The following SIRPG variants were observed in gnomAD, a reference collection of about 807,000 sequenced individuals.
The protein encoded by SIRPG is signal-regulatory protein gamma.
A neutral mutation model predicts 35.7 loss-of-function variants in SIRPG; 38 were observed. The ratio of observed to expected loss-of-function variants is 1.06; its 90% CI spans 0.82 to 1.40. The LOEUF (loss-of-function observed/expected upper bound fraction) is 1.40, where lower values mean the gene tolerates loss of function less well. Ranked by LOEUF, SIRPG falls within the 40% of genes most tolerant of loss-of-function variation. The probability of loss-of-function intolerance (pLI) is 0.00; values close to 1 mark genes in which losing one functional copy is unlikely to be tolerated. For missense variants in SIRPG, 519 were observed against 483.0 expected (o/e 1.07, Z -0.70); for synonymous variants, 215 against 190.4 (o/e 1.13, Z -1.06).
the SIRPG span, among the ~76,000 whole-genome samples, chr20:1,681,477 C>A: frequency 7.2e-5 from 11 of 152,190 alleles, no homozygotes; most frequent in Non-Finnish European, 1.5e-4. Context: ...ATATAATGAT[C>A]ATCCAAAGTA....
intron 1 of SIRPG, among the ~76,000 whole-genome samples, chr20:1,650,004 G>GTA (rs71193923): frequency 0.2 from 20,106 of 99,036 alleles, 2,268 homozygotes; most frequent in African/African-American, 0.25. Context: ...TTTGAAGTGT[G>GTA]TATATATATA....
At chr20:1,657,616 G>A (rs1040888422) in intron 1 of SIRPG, 26 bp downstream of exon 1, 44 of 1,611,766 alleles carry the variant, frequency 2.7e-5, no homozygotes, top group Non-Finnish European at 3.7e-5. Context: ...CAGGGAGAAA[G>A]GGTTCTAGCC....
the SIRPG span, among the ~76,000 whole-genome samples, chr20:1,673,547 G>A: frequency 8.6e-5 from 13 of 152,008 alleles, no homozygotes; most frequent in Non-Finnish European, 1.9e-4. Flanking sequence ...TTATCCTTTA[G>A]GCAGCAGAAC....
chr20:1,672,650 T>A, the SIRPG span, among the ~76,000 whole-genome samples: 1 of 152,220 alleles, frequency 6.6e-6, no homozygotes, highest in East Asian at 1.9e-4. Flanking sequence ...TGTATGAGAC[T>A]CTATTCAGCA....
chr20:1,645,241 A>T (rs1467705725), intron 2 of SIRPG, among the ~76,000 whole-genome samples: 1 of 151,924 alleles, frequency 6.6e-6, no homozygotes, highest in African/African-American at 2.4e-5. Flanking sequence ...TTTCTGAAGC[A>T]CCCACCCCCA....
At chr20:1,664,233 G>A in the SIRPG span, among the ~76,000 whole-genome samples, 1 of 152,062 alleles carries the variant, frequency 6.6e-6, no homozygotes, top group Admixed American at 6.5e-5. Flanking sequence ...TCTAACATAG[G>A]GGATCAAATT....
chr20:1,649,991 T>C (rs1471325643), intron 1 of SIRPG, among the ~76,000 whole-genome samples: 6 of 117,206 alleles, frequency 5.1e-5, no homozygotes, highest in Non-Finnish European at 1.8e-5. Flanking sequence ...TCCTGAACTC[T>C]ACTTTGAAGT....
Position 1,635,590 on chromosome 20 carries a change from G to A in SIRPG, c.758C>T (p.Thr253Ile). Residue 253 changes from threonine to isoleucine, a missense_variant, in exon 4 of 6, where the codon ACC becomes ATC. Thr to Ile is a moderately conservative substitution (Grantham distance 89). Transcript: ENST00000303415. ...NLSEAIRVPPTLEVTQQPMRV... is the reference protein window; with the variant it reads ...NLSEAIRVPPILEVTQQPMRV... ...CATGGGCTGTTGAGTAACCTCCAAG[G>A]TGGGTGGAACTGAAACAGCACAGGG... The A allele has an allele frequency of 6.2e-7, 1 of 1,614,108 alleles. No individual in the cohort carries two copies. The highest frequency in any genetic ancestry group is 8.5e-7 in the Non-Finnish European group (1 of 1,179,976).
At chr20:1,634,069 A>G (rs960621262) in intron 4 of SIRPG, among the ~76,000 whole-genome samples, 6 of 152,146 alleles carry the variant, frequency 3.9e-5, no homozygotes, top group African/African-American at 1.4e-4. Context: ...TGAAGCAAAA[A>G]CAGAGATCAT....
chr20:1,662,365 T>G (rs549128945), upstream of SIRPG, among the ~76,000 whole-genome samples: 6 of 152,284 alleles, frequency 3.9e-5, no homozygotes, highest in East Asian at 1.2e-3. Context: ...GGAGCTTGGT[T>G]AGCTCGTCAG....
rs571373231 is a variant in SIRPG, at chr20:1,635,162, T to C, written c.1081+105A>G. ...TGGGGGGATGGAGCTGACATTAAAA[T>C]TTTACTTTGTATTTATAGACTTCTA... is the stretch of plus-strand genomic sequence containing the variant. On this transcript the variant is annotated intron_variant, in intron 4 of 5. Coordinates refer to ENST00000303415, the MANE Select transcript of SIRPG (RefSeq NM_018556.4). 5.4e-5 allele frequency: 51 copies of C among 942,906 alleles called. No individual in the cohort carries two copies. In the African/African-American group the frequency reaches 8.0e-4, roughly 15 times the overall value. The allele number at this position is 942,906 out of a possible 1,614,324, so 58.4% of individuals were successfully genotyped here. A position where few individuals can be genotyped will look rare whatever the true frequency, so the allele number is the denominator to read the frequency against.
At chr20:1,653,390 A>G (rs1019403919) in intron 1 of SIRPG, among the ~76,000 whole-genome samples, 1 of 152,206 alleles carries the variant, frequency 6.6e-6, no homozygotes, top group African/African-American at 2.4e-5. Context: ...TGTCTGCCAC[A>G]TGGTGAACGT....
chr20:1,634,974 C>T (rs997808598), intron 4 of SIRPG, among the ~76,000 whole-genome samples: 3 of 151,378 alleles, frequency 2.0e-5, no homozygotes, highest in Admixed American at 6.6e-5. Context: ...ACCCGGGAGG[C>T]GGAGCTTGCG....
At chr20:1,632,054 T>C (rs13045212) in intron 4 of SIRPG, among the ~76,000 whole-genome samples, 30,446 of 152,036 alleles carry the variant, frequency 0.2, 3,632 homozygotes, top group Admixed American at 0.31. Flanking sequence ...CAGAGGAGGA[T>C]GAATCTCAGC....
chr20:1,669,648 C>T, the SIRPG span, among the ~76,000 whole-genome samples: 1 of 152,186 alleles, frequency 6.6e-6, no homozygotes, highest in Non-Finnish European at 1.5e-5. Flanking sequence ...ACATCTGAGA[C>T]AGAAGGCAAA....
At chr20:1,676,721 C>A in the SIRPG span, 1 of 178,518 alleles carries the variant, frequency 5.6e-6, no homozygotes, top group Non-Finnish European at 1.2e-5. Context: ...GGAAAGTAGC[C>A]TTCTCTTGGA....
Position 1,631,580 on chromosome 20 carries a change from T to A in SIRPG, c.1082-1274A>T, listed in dbSNP as rs374871374. Among the ~76,000 whole-genome samples the A allele has an allele frequency of 1.3e-4, 20 of 152,312 alleles. No homozygotes were observed. In the East Asian group the frequency reaches 1.4e-3, roughly 10 times the overall value. ...TCAGGATGCTTCCTGCATTCCTGTA[T>A]CCATCTCTAGTCTGCCTTACAGAGA... On this transcript the variant is annotated intron_variant, in intron 4 of 5. Coordinates refer to ENST00000303415, the MANE Select transcript of SIRPG (RefSeq NM_018556.4).
chr20:1,686,022 A>G, the SIRPG span, among the ~76,000 whole-genome samples: 1 of 152,272 alleles, frequency 6.6e-6, no homozygotes, highest in East Asian at 1.9e-4. Context: ...TCAATATTTG[A>G]CAGGAACCAG....
At chr20:1,683,628 C>A in the SIRPG span, among the ~76,000 whole-genome samples, 9 of 152,088 alleles carry the variant, frequency 5.9e-5, no homozygotes, top group Non-Finnish European at 1.3e-4. Flanking sequence ...ATAAGCCAGG[C>A]ACAGAAAGAC....
Sources: allele counts gnomAD v4.1 joint callset (sites outside exome capture counted in the v4.1 genomes callset), GRCh38; gene constraint gnomAD v4.1.1; transcripts MANE v1.5; gene names NCBI Gene and HGNC (gene_info 2026-07-23, HGNC 2026-07-21).